Variants in BTBD10 observed in about 807,000 individuals in gnomAD.
The protein encoded by BTBD10 is BTB/POZ domain-containing protein 10.
Under a neutral mutation model 53.2 loss-of-function variants are expected in BTBD10, and 21 were observed. The ratio of observed to expected loss-of-function variants is 0.39; its 90% CI spans 0.28 to 0.57. The LOEUF is 0.57. Ranked by LOEUF, BTBD10 falls within the 20% of genes least tolerant of loss-of-function variation. The pLI, the probability that BTBD10 is intolerant of heterozygous loss-of-function variation, is 0.53. For synonymous variants in BTBD10, 149 were observed against 192.7 expected (o/e 0.77, Z 1.88); for missense variants, 360 against 594.7 (o/e 0.61, Z 4.10).
chr11:13,438,250 T>G (rs1325124342), intron 2 of BTBD10, among the ~76,000 whole-genome samples: 1 of 152,106 alleles, frequency 6.6e-6, no homozygotes, highest in African/African-American at 2.4e-5. Context: ...TTTTTATACT[T>G]TATGATGGTT....
chr11:13,461,328 G>T (rs1183959535), intron 1 of BTBD10, among the ~76,000 whole-genome samples: 1 of 152,154 alleles, frequency 6.6e-6, no homozygotes, highest in African/African-American at 2.4e-5. Flanking sequence ...AGATTTCCGA[G>T]TTCTCTTGAG....
chr11:13,453,346 T>C (rs1950902750), intron 1 of BTBD10, among the ~76,000 whole-genome samples: 1 of 152,142 alleles, frequency 6.6e-6, no homozygotes, highest in African/African-American at 2.4e-5. Context: ...CATGCTTGTA[T>C]ATGTTAAGAT....
In BTBD10 at chr11:13,389,098, G is replaced by A; in HGVS notation, c.1161C>T (p.Gly387=). 1 of 1,613,398 alleles carries A rather than the reference G, an allele frequency of 6.2e-7. No individual in the cohort carries two copies. The highest frequency in any genetic ancestry group is 8.5e-7 in the Non-Finnish European group (1 of 1,179,834). Reference sequence around the variant, plus strand: ...CATAGTTGTAGATCACTTCTGGGCGGCCTCCAGGCCTTTTCTTTACTTTTT... The same window carrying A: ...CATAGTTGTAGATCACTTCTGGGCGACCTCCAGGCCTTTTCTTTACTTTTT... The part of the protein sequence containing the change: ...YKEKVKKRPG[G]RPEVIYNYVQ... The change falls in exon 9 of 9, where the codon GGC becomes GGT. Residue 387 remains glycine (G), a synonymous_variant. Transcript: ENST00000278174.
At chr11:13,444,988 G>T (rs777824028) in intron 2 of BTBD10, 36 bp downstream of exon 2, 1 of 1,519,698 alleles carries the variant, frequency 6.6e-7, no homozygotes, top group Non-Finnish European at 9.1e-7. Flanking sequence ...GTTTTTAGCA[G>T]AGCTTTCATA....
At chr11:13,440,342 G>T (rs1305543964) in intron 2 of BTBD10, 17 of 1,065,964 alleles carry the variant, frequency 1.6e-5, no homozygotes, top group Middle Eastern at 4.0e-4. Flanking sequence ...TTGATAGACA[G>T]GCATAACAAA....
At chr11:13,452,075 G>A (rs1950871842) in intron 1 of BTBD10, among the ~76,000 whole-genome samples, 1 of 152,110 alleles carries the variant, frequency 6.6e-6, no homozygotes, top group South Asian at 2.1e-4. Context: ...TAAAGAGCAA[G>A]AAAGATTGAA....
At chr11:13,434,516 A>C (rs1427035373) in intron 2 of BTBD10, among the ~76,000 whole-genome samples, 2 of 152,212 alleles carry the variant, frequency 1.3e-5, no homozygotes, top group Non-Finnish European at 2.9e-5. Context: ...AAATAAGAAC[A>C]ACCATGTTAA....
chr11:13,426,861 A>T (rs902640420), intron 2 of BTBD10, among the ~76,000 whole-genome samples: 7 of 152,208 alleles, frequency 4.6e-5, no homozygotes, highest in Non-Finnish European at 8.8e-5. Context: ...TAACAGGACA[A>T]GACTTAACCT....
intron 1 of BTBD10, among the ~76,000 whole-genome samples, chr11:13,448,111 T>G (rs1950782368): frequency 1.3e-5 from 2 of 152,172 alleles, no homozygotes; most frequent in Admixed American, 1.3e-4. Context: ...TTCAAGCACT[T>G]ATAAGCATTT....
At chr11:13,455,004 G>T (rs563502621) in intron 1 of BTBD10, among the ~76,000 whole-genome samples, 3 of 152,240 alleles carry the variant, frequency 2.0e-5, no homozygotes, top group African/African-American at 7.2e-5. Flanking sequence ...TCTGCCTCCC[G>T]GGTTCAAGCA....
intron 1 of BTBD10, among the ~76,000 whole-genome samples, chr11:13,459,474 A>G (rs1301378755): frequency 6.6e-6 from 1 of 152,206 alleles, no homozygotes; most frequent in East Asian, 1.9e-4. Flanking sequence ...TGAAGAATCT[A>G]TTAAAAAGGG....
At chr11:13,409,156 T>C (rs1949889591) in intron 6 of BTBD10, among the ~76,000 whole-genome samples, 1 of 152,176 alleles carries the variant, frequency 6.6e-6, no homozygotes, top group Admixed American at 6.5e-5. Flanking sequence ...CCACTCCAAC[T>C]ATCCTGGCCT....
chr11:13,424,830 C>G (rs933009925), intron 2 of BTBD10, among the ~76,000 whole-genome samples: 9 of 152,086 alleles, frequency 5.9e-5, no homozygotes, highest in Non-Finnish European at 1.2e-4. Flanking sequence ...AAATGGAAAG[C>G]GAATGAGATA....
At chr11:13,429,415 A>T (rs190798869) in intron 2 of BTBD10, among the ~76,000 whole-genome samples, 9 of 152,318 alleles carry the variant, frequency 5.9e-5, no homozygotes, top group Admixed American at 5.9e-4. Flanking sequence ...AGTAATGAGT[A>T]AAGTGTGCTA....
chr11:13,401,892 T>C (rs983286505), intron 8 of BTBD10, among the ~76,000 whole-genome samples: 1 of 152,162 alleles, frequency 6.6e-6, no homozygotes, highest in Non-Finnish European at 1.5e-5. Context: ...ATACCAGACA[T>C]ATGTATGTTT....
intron 4 of BTBD10, among the ~76,000 whole-genome samples, chr11:13,417,952 C>T (rs1390787054): frequency 3.3e-5 from 5 of 152,064 alleles, no homozygotes; most frequent in African/African-American, 1.2e-4. Flanking sequence ...GGCCCTTCAA[C>T]AGTGGCTGTT....
chr11:13,427,633 T>C (rs554412256), intron 2 of BTBD10, among the ~76,000 whole-genome samples: 37 of 152,188 alleles, frequency 2.4e-4, no homozygotes, highest in Admixed American at 4.6e-4. Context: ...CTTGATCTCA[T>C]TGACATTTAC....
chr11:13,422,170 A>G (rs545103868), intron 2 of BTBD10, among the ~76,000 whole-genome samples: 1 of 152,282 alleles, frequency 6.6e-6, no homozygotes, highest in Middle Eastern at 3.4e-3. Context: ...TGTTCTTTTG[A>G]TTTCCTTCAT....
chr11:13,452,025 C>G (rs1361417086), intron 1 of BTBD10, among the ~76,000 whole-genome samples: 2 of 151,878 alleles, frequency 1.3e-5, no homozygotes, highest in African/African-American at 2.4e-5. Context: ...CATCAGGGAA[C>G]TTGGAAAACA....
Sources: allele counts gnomAD v4.1 joint callset (sites outside exome capture counted in the v4.1 genomes callset), GRCh38; gene constraint gnomAD v4.1.1; transcripts MANE v1.5; gene names NCBI Gene and HGNC (gene_info 2026-07-23, HGNC 2026-07-21).